The following ATP8B2 variants were observed in gnomAD, a reference collection of about 807,000 sequenced individuals.
The protein encoded by ATP8B2 is phospholipid-transporting ATPase ID.
ATP8B2 carries 70 observed loss-of-function variants against 133.4 expected under a neutral mutation model. The observed-to-expected ratio is 0.52, with a 90% CI of 0.43 to 0.64. ATP8B2 has a LOEUF of 0.64. ATP8B2 is among the 30% of genes least tolerant of loss of function. The probability of loss-of-function intolerance (pLI) is 0.00; values close to 1 mark genes in which losing one functional copy is unlikely to be tolerated. For missense variants in ATP8B2, 1,101 were observed against 1,535.7 expected (o/e 0.72, Z 4.73); for synonymous variants, 517 against 589.5 (o/e 0.88, Z 1.78).
In ATP8B2 at chr1:154,328,700, CG is replaced by C; in HGVS notation, c.31+533del. ...GCGGCTCCTGCAGTCGGGGAGCGGGCGGGGGCGGAACCCTGGGCGTGCTCGG... is the reference window on the plus strand; with the variant it reads ...GCGGCTCCTGCAGTCGGGGAGCGGGCGGGGCGGAACCCTGGGCGTGCTCGG... On this transcript the variant is annotated intron_variant, in intron 2 of 27. Coordinates refer to ENST00000368489, the MANE Select transcript of ATP8B2 (RefSeq NM_001370597.1). This position sits in a 1 kb window ranked among gnomAD's most constrained non-coding sequence, Gnocchi z 4.6. 1 of 801,942 alleles carries C rather than the reference CG, an allele frequency of 1.2e-6. No individual in the cohort carries two copies. Among genetic ancestry groups the C allele is most frequent in the Non-Finnish European group, 1.5e-6 (1 of 661,336 alleles). 49.7% of individuals were successfully genotyped at this position (801,942 alleles called of 1,614,324 possible).
Position 154,331,413 on chromosome 1 carries a change from G to C in ATP8B2, c.304-31G>C. ...ACGAATTCCTTCGAGGCGGGGGAAG[G>C]TGTCTTACCTTTCAGTTTTCTTCTT... On this transcript the variant is annotated intron_variant, in intron 5 of 27. Coordinates refer to ENST00000368489, the MANE Select transcript of ATP8B2 (RefSeq NM_001370597.1). This position sits in a 1 kb window ranked among gnomAD's most constrained non-coding sequence, Gnocchi z 4.8. 1.2e-6 allele frequency: 2 copies of C among 1,609,450 alleles called. No individual in the cohort carries two copies. Among genetic ancestry groups the C allele is most frequent in the Non-Finnish European group, 1.7e-6 (2 of 1,176,578 alleles).
chr1:154,334,689 T>TTTGG lies in ATP8B2; in HGVS notation c.837+99_837+102dup. On this transcript the variant is annotated intron_variant, in intron 11 of 27. Coordinates refer to ENST00000368489, the MANE Select transcript of ATP8B2 (RefSeq NM_001370597.1). The surrounding 1 kb of genome is among the most constrained non-coding windows in gnomAD (Gnocchi z 4.6). ...TCTTCTTTGGTCAGTAGACTTCAGG[T>TTTGG]TTGGCTTTAAAGCTGCTAGCAGGTC... The TTTGG allele has an allele frequency of 9.2e-7, 1 of 1,083,574 alleles. No individual in the cohort carries two copies. Among genetic ancestry groups the TTTGG allele is most frequent in the Non-Finnish European group, 1.4e-6 (1 of 740,518 alleles). The allele number at this position is 1,083,574 out of a possible 1,614,324, so 67.1% of individuals were successfully genotyped here. A position where few individuals can be genotyped will look rare whatever the true frequency, so the allele number is the denominator to read the frequency against.
At position 154,343,489 on chromosome 1, in the gene ATP8B2, A is replaced by G. The variant is rs1440746770; in HGVS notation, c.1679A>G (p.Lys560Arg). Residue 560 changes from lysine (K) to arginine (R), a missense_variant, in exon 17 of 28, where the codon AAA (lysine) becomes AGA (arginine). Physicochemically the swap from Lys to Arg is conservative, Grantham distance 26. Coordinates refer to ENST00000368489, the MANE Select transcript of ATP8B2 (RefSeq NM_001370597.1). This position sits in a 1 kb window ranked among gnomAD's most constrained non-coding sequence, Gnocchi z 5.8. Reference sequence around the variant, plus strand: ...GAGGGGAAGATCCGACTCTACTGCAAAGGGGCTGACACTATCCTACTGGAC... The same window carrying G: ...GAGGGGAAGATCCGACTCTACTGCAGAGGGGCTGACACTATCCTACTGGAC... ...NPEGKIRLYC[K>R]GADTILLDRL... 1.2e-6 allele frequency: 2 copies of G among 1,613,974 alleles called. No homozygotes were observed. The highest frequency in any genetic ancestry group is 1.3e-5 in the African/African-American group (1 of 74,894).
At chr1:154,341,537 T>C (rs1686384783) in intron 13 of ATP8B2, 1 of 196,734 alleles carries the variant, frequency 5.1e-6, no homozygotes, top group Admixed American at 5.3e-5. Flanking sequence ...CTGTGTCCCA[T>C]GTCAAGAAGC....
chr1:154,335,598 G>T (rs963695800), intron 11 of ATP8B2, among the ~76,000 whole-genome samples: 5 of 151,956 alleles, frequency 3.3e-5, no homozygotes, highest in African/African-American at 1.2e-4. Flanking sequence ...AGGCTGAGGC[G>T]GGGGGATTGC....
intron 26 of ATP8B2, among the ~76,000 whole-genome samples, chr1:154,348,028 A>AAACAG (rs1553297553): frequency 1.3e-5 from 2 of 150,876 alleles, no homozygotes; most frequent in South Asian, 4.2e-4. Context: ...CAACAAAAAA[A>AAACAG]AAATTAAAAA....
At position 154,328,650 on chromosome 1, in the gene ATP8B2, C is replaced by T; in HGVS notation, c.31+478C>T. The T allele has an allele frequency of 5.7e-6, 3 of 527,298 alleles. No homozygotes were observed. Among genetic ancestry groups the T allele is most frequent in the Non-Finnish European group, 4.9e-6 (2 of 409,170 alleles). The allele number at this position is 527,298 out of a possible 1,614,324, so 32.7% of individuals were successfully genotyped here. A position where few individuals can be genotyped will look rare whatever the true frequency, so the allele number is the denominator to read the frequency against. ...GAGGCGGGGCTCGCGCGCGAGCTTT[C>T]GCCTACGCGGCGCGCTGGCAGGCTG... On this transcript the variant is annotated intron_variant, in intron 2 of 27. Transcript: ENST00000368489. The surrounding 1 kb of genome is among the most constrained non-coding windows in gnomAD (Gnocchi z 4.6).
At position 154,331,671 on chromosome 1, in the gene ATP8B2, T is replaced by A. The variant is rs374107478; in HGVS notation, c.431T>A (p.Phe144Tyr). 1.2e-6 allele frequency: 2 copies of A among 1,613,980 alleles called. No individual in the cohort carries two copies. Among genetic ancestry groups the A allele is most frequent in the Non-Finnish European group, 1.7e-6 (2 of 1,179,942 alleles). The change falls in exon 7 of 28, where the codon TTT (phenylalanine) becomes TAT (tyrosine). Residue 144 changes from phenylalanine (F) to tyrosine (Y), a missense_variant. Transcript: ENST00000368489. The surrounding 1 kb of genome is among the most constrained non-coding windows in gnomAD (Gnocchi z 4.8). Reference protein sequence around the residue: ...GDIIKLENNQFVAADLLLLSS... With the variant: ...GDIIKLENNQYVAADLLLLSS... Reference sequence around the variant, plus strand: ...ATTATCAAGCTAGAAAATAACCAGTTTGTGGCGGTAAGGGACAGGGTACCC... The same window carrying A: ...ATTATCAAGCTAGAAAATAACCAGTATGTGGCGGTAAGGGACAGGGTACCC...
In ATP8B2 at chr1:154,342,470, C is replaced by T. The variant is rs1255831799; in HGVS notation, c.1244-10C>T. On this transcript the variant is annotated splice_polypyrimidine_tract_variant and intron_variant, in intron 13 of 27. Coordinates refer to ENST00000368489, the MANE Select transcript of ATP8B2 (RefSeq NM_001370597.1). ...GACATTGCTTCTTTTTCTGCCCTGGCTGTATGTAGGTGATGTGTTTGACGT... is the reference window on the plus strand; with the variant it reads ...GACATTGCTTCTTTTTCTGCCCTGGTTGTATGTAGGTGATGTGTTTGACGT... 6.2e-7 allele frequency: 1 copy of T among 1,613,526 alleles called. No homozygotes were observed. Among genetic ancestry groups the T allele is most frequent in the South Asian group, 1.1e-5 (1 of 91,072 alleles).
Position 154,328,163 on chromosome 1 carries a change from C to T in ATP8B2, c.22C>T (p.Arg8Cys). Residue 8 changes from arginine (R) to cysteine (C), a missense_variant, in exon 2 of 28, where the codon CGC becomes TGC. By Grantham distance (180) the Arg-to-Cys change is radical. Transcript: ENST00000368489. The surrounding 1 kb of genome is among the most constrained non-coding windows in gnomAD (Gnocchi z 4.6). MAVCAKK[R>C]PPEEERRARA... is the part of the protein sequence containing the mutation. ...TGAGATGGCAGTGTGTGCAAAAAAGCGCCCCCCAGGTAAGACAGGCAAGGA... is the reference window on the plus strand; with the variant it reads ...TGAGATGGCAGTGTGTGCAAAAAAGTGCCCCCCAGGTAAGACAGGCAAGGA... 1.2e-6 allele frequency: 2 copies of T among 1,613,854 alleles called. No homozygotes were observed. The highest frequency in any genetic ancestry group is 1.7e-6 in the Non-Finnish European group (2 of 1,179,856).
rs1197136786 is a variant in ATP8B2 at position 154,334,886 on chromosome 1, G to T, written c.837+295G>T. Among the ~76,000 whole-genome samples, 1 of 152,094 alleles carries T rather than the reference G, an allele frequency of 6.6e-6. No individual in the cohort carries two copies. Among genetic ancestry groups the T allele is most frequent in the Non-Finnish European group, 1.5e-5 (1 of 68,014 alleles). On this transcript the variant is annotated intron_variant, in intron 11 of 27. Transcript: ENST00000368489. The surrounding 1 kb of genome is among the most constrained non-coding windows in gnomAD (Gnocchi z 4.6). The stretch of plus-strand genomic sequence containing the variant: ...AGCATGTGACCTTCTGTTTGCTTTT[G>T]CCAGGGACAAGGAGGCCTTCATGGG...
In ATP8B2 at chr1:154,334,507, C is replaced by G; in HGVS notation, c.753C>G (p.Pro251=). Reference sequence around the variant, plus strand: ...GCCCTTCCCATTCTTTTCCAGGTCCCGACACTAAGCTGATGCAAAACAGCG... The same window carrying G: ...GCCCTTCCCATTCTTTTCCAGGTCCGGACACTAAGCTGATGCAAAACAGCG... The part of the protein sequence containing the change: ...WCFGLVIFAG[P]DTKLMQNSGR... Residue 251 remains proline, a synonymous_variant, in exon 11 of 28, where the codon CCC becomes CCG. Coordinates refer to ENST00000368489, the MANE Select transcript of ATP8B2 (RefSeq NM_001370597.1). This position sits in a 1 kb window ranked among gnomAD's most constrained non-coding sequence, Gnocchi z 4.6. 1 of 1,613,950 alleles carries G rather than the reference C, an allele frequency of 6.2e-7. No individual in the cohort carries two copies. The highest frequency in any genetic ancestry group is 8.5e-7 in the Non-Finnish European group (1 of 1,179,982).
In ATP8B2 at chr1:154,348,466, A is replaced by G. The variant is rs2297607; in HGVS notation, c.3222A>G (p.Thr1074=). The G allele has an allele frequency of 0.22, 361,554 of 1,612,538 alleles. 42,530 individuals are homozygous for G. The highest frequency in any genetic ancestry group is 0.25 in the African/African-American group (18,585 of 74,982). The part of the protein sequence containing the change: ...PTVWLTIVLT[T]VVCIMPVVAF... Reference sequence around the variant, plus strand: ...TGTGGCTGACCATTGTGCTCACCACAGTCGTCTGCATCATGCCCGTGGTTG... The same window carrying G: ...TGTGGCTGACCATTGTGCTCACCACGGTCGTCTGCATCATGCCCGTGGTTG... The change falls in exon 27 of 28, where the codon ACA becomes ACG. Residue 1074 remains threonine, a synonymous_variant. Coordinates refer to ENST00000368489, the MANE Select transcript of ATP8B2 (RefSeq NM_001370597.1).
At chr1:154,337,942 C>A in intron 12 of ATP8B2, 1 of 388,294 alleles carries the variant, frequency 2.6e-6, no homozygotes, top group Non-Finnish European at 4.5e-6. Context: ...TAGAATTCGA[C>A]CTAGAGTCTT....
chr1:154,342,702 A>C, intron 14 of ATP8B2, 94 bp from the exon 15 acceptor site: 5 of 1,504,324 alleles, frequency 3.3e-6, no homozygotes, highest in Non-Finnish European at 4.6e-6. Flanking sequence ...CGTGGACAGG[A>C]GCCTACTGAG....
chr1:154,343,813 C>A lies in ATP8B2; in HGVS notation c.1759-80C>A. ...TGTGGCACACACCCAGTCTACAGTG[C>A]AGGATTATTCATTGTCGCCCTCACG... On this transcript the variant is annotated intron_variant, in intron 17 of 27. Transcript: ENST00000368489. The surrounding 1 kb of genome is among the most constrained non-coding windows in gnomAD (Gnocchi z 5.8). The A allele has an allele frequency of 6.8e-7, 1 of 1,481,034 alleles. No individual in the cohort carries two copies. The highest frequency in any genetic ancestry group is 9.1e-7 in the Non-Finnish European group (1 of 1,093,690). 91.7% of individuals were successfully genotyped at this position (1,481,034 alleles called of 1,614,324 possible). A position where few individuals can be genotyped will look rare whatever the true frequency, so the allele number is the denominator to read the frequency against.
At position 154,330,812 on chromosome 1, in the gene ATP8B2, T is replaced by C. The variant is rs1256855423; in HGVS notation, c.91-3T>C. ...CTCATTATCTTCTCTCCTACTGCCA[T>C]AGAGTAACTGCATCAAGACCTCCAA... On this transcript the variant is annotated splice_region_variant and splice_polypyrimidine_tract_variant and intron_variant, in intron 3 of 27. Transcript: ENST00000368489. The C allele has an allele frequency of 3.7e-6, 6 of 1,611,246 alleles. No homozygotes were observed. The highest frequency in any genetic ancestry group is 5.1e-6 in the Non-Finnish European group (6 of 1,177,468).
intron 1 of ATP8B2, among the ~76,000 whole-genome samples, chr1:154,326,376 G>T (rs1171022241): frequency 6.6e-6 from 1 of 152,172 alleles, no homozygotes; most frequent in Non-Finnish European, 1.5e-5. Flanking sequence ...ACCTATAGGA[G>T]GAGCTGTTTT....
Position 154,343,801 on chromosome 1 carries a change from C to A in ATP8B2, c.1759-92C>A. The A allele has an allele frequency of 7.0e-7, 1 of 1,422,430 alleles. No individual in the cohort carries two copies. Among genetic ancestry groups the A allele is most frequent in the Non-Finnish European group, 9.5e-7 (1 of 1,047,836 alleles). 88.1% of individuals were successfully genotyped at this position (1,422,430 alleles called of 1,614,324 possible). A position where few individuals can be genotyped will look rare whatever the true frequency, so the allele number is the denominator to read the frequency against. On this transcript the variant is annotated intron_variant, in intron 17 of 27. Transcript: ENST00000368489. This position sits in a 1 kb window ranked among gnomAD's most constrained non-coding sequence, Gnocchi z 5.8. ...CTAACTGTGGAATGTGGCACACACC[C>A]AGTCTACAGTGCAGGATTATTCATT...
Sources: allele counts gnomAD v4.1 joint callset (sites outside exome capture counted in the v4.1 genomes callset), GRCh38; gene constraint gnomAD v4.1.1; non-coding constraint Gnocchi (gnomAD v3.1); transcripts MANE v1.5; gene names NCBI Gene and HGNC (gene_info 2026-07-23, HGNC 2026-07-21).